CALN1: variants seen among roughly 807,000 people sequenced by gnomAD.
CALN1 encodes calcium-binding protein 8.
In CALN1, 17 loss-of-function variants were observed where a neutral mutation model predicts 30.6. The ratio of observed to expected loss-of-function variants is 0.56; its 90% CI spans 0.38 to 0.83. The LOEUF (loss-of-function observed/expected upper bound fraction) is 0.83, where lower values mean the gene tolerates loss of function less well. Ranked by LOEUF, CALN1 falls within the 40% of genes least tolerant of loss-of-function variation. CALN1 has a pLI of 0.00. For missense variants in CALN1, 291 were observed against 354.9 expected (o/e 0.82, Z 1.45); for synonymous variants, 156 against 131.4 (o/e 1.19, Z -1.28).
chr7:72,021,609 G>A (rs578010830), intron 5 of CALN1, among the ~76,000 whole-genome samples: 1 of 152,118 alleles, frequency 6.6e-6, no homozygotes, highest in Admixed American at 6.5e-5. Context: ...GGGAGATGGC[G>A]TTTTCCTGTC....
chr7:72,140,012 T>C (rs571254883), intron 3 of CALN1, among the ~76,000 whole-genome samples: 11 of 152,180 alleles, frequency 7.2e-5, no homozygotes, highest in Non-Finnish European at 1.2e-4. Context: ...AGAAGTGTCC[T>C]GTAATCTCAG....
At chr7:72,484,802 G>C in the CALN1 span, among the ~76,000 whole-genome samples, 1 of 150,522 alleles carries the variant, frequency 6.6e-6, no homozygotes. Context: ...TGTAGGGCTT[G>C]CCTCGTTTCT....
intron 6 of CALN1, among the ~76,000 whole-genome samples, chr7:71,792,092 TGTG>T (rs1440328776): frequency 2.0e-5 from 3 of 152,186 alleles, no homozygotes; most frequent in Admixed American, 1.3e-4. Flanking sequence ...AAATGCTGGG[TGTG>T]GTGGACAGAG....
At chr7:72,144,215 T>G (rs1050794450) in intron 3 of CALN1, among the ~76,000 whole-genome samples, 1 of 152,166 alleles carries the variant, frequency 6.6e-6, no homozygotes. Flanking sequence ...ATCAGTGTGC[T>G]GTATTCAGGA....
chr7:72,262,569 T>C (rs1370675762), intron 3 of CALN1, among the ~76,000 whole-genome samples: 1 of 152,160 alleles, frequency 6.6e-6, no homozygotes, highest in East Asian at 1.9e-4. Flanking sequence ...GTGTACCCAA[T>C]GTTTATGTCT....
chr7:72,431,511 A>C (rs1416152252), intron 1 of CALN1, among the ~76,000 whole-genome samples: 1 of 152,142 alleles, frequency 6.6e-6, no homozygotes, highest in Admixed American at 6.5e-5. Context: ...AATGACTTGG[A>C]GGGAAGGCAG....
the CALN1 span, among the ~76,000 whole-genome samples, chr7:72,473,052 A>T: frequency 4.2e-4 from 62 of 149,052 alleles, no homozygotes; most frequent in South Asian, 1.9e-3. Context: ...CCCCAACCAA[A>T]CTCCAAGTGC....
chr7:72,474,775 A>T, the CALN1 span, among the ~76,000 whole-genome samples: 1 of 151,826 alleles, frequency 6.6e-6, no homozygotes, highest in African/African-American at 2.4e-5. Context: ...GCCCTGTATG[A>T]GTTGAGACCG....
chr7:72,118,822 A>T (rs976892861), intron 3 of CALN1, among the ~76,000 whole-genome samples: 1 of 152,198 alleles, frequency 6.6e-6, no homozygotes, highest in Non-Finnish European at 1.5e-5. Context: ...GCTGGAACAC[A>T]TCAGTTCCAT....
rs576186632 is a variant in CALN1 at position 72,297,482 on chromosome 7, G to A, written c.120-18672C>T. Among the ~76,000 whole-genome samples the A allele has an allele frequency of 2.0e-5, 3 of 152,226 alleles. No homozygotes were observed. In the East Asian group the frequency reaches 5.8e-4, roughly 29 times the overall value. On this transcript the variant is annotated intron_variant, in intron 2 of 6. Transcript: ENST00000395275. ...TATGGGAATTCTACATGCAACTCCA[G>A]ACTAATAAATTTTAAAACACTGGTT...
rs564444304 is a variant in CALN1 at position 71,822,399 on chromosome 7, C to G, written c.502-11907G>C. On this transcript the variant is annotated intron_variant, in intron 5 of 6. Transcript: ENST00000395275. ...GAGTAGCTGGGATTACAGGCGTGTG[C>G]CATCATGCCCGGCTAATTTTGTATT... Among the ~76,000 whole-genome samples, 5 of 152,230 alleles carry G rather than the reference C, an allele frequency of 3.3e-5. No individual in the cohort carries two copies. In the East Asian group the frequency reaches 7.8e-4, roughly 24 times the overall value.
intron 2 of CALN1, among the ~76,000 whole-genome samples, chr7:72,378,017 T>C (rs1434498076): frequency 6.6e-6 from 1 of 151,808 alleles, no homozygotes; most frequent in African/African-American, 2.4e-5. Context: ...CCATTCGTCC[T>C]GAACTTTTTG....
At chr7:71,961,531 T>C (rs1797247039) in intron 5 of CALN1, among the ~76,000 whole-genome samples, 1 of 152,212 alleles carries the variant, frequency 6.6e-6, no homozygotes, top group Non-Finnish European at 1.5e-5. Context: ...TGTACTGTAC[T>C]CCCATGGGTA....
At chr7:72,394,981 GTGAA>G in intron 2 of CALN1, among the ~76,000 whole-genome samples, 1 of 152,264 alleles carries the variant, frequency 6.6e-6, no homozygotes, top group East Asian at 1.9e-4. Context: ...TGTCTTGTAA[GTGAA>G]TGAATGGTAC....
intron 3 of CALN1, among the ~76,000 whole-genome samples, chr7:72,133,281 A>G (rs79786497): frequency 9.4e-4 from 143 of 152,328 alleles, no homozygotes; most frequent in African/African-American, 3.4e-3. Flanking sequence ...CACTTTGACT[A>G]ATGAGATTAT....
At chr7:72,097,927 C>T (rs1197490584) in intron 4 of CALN1, among the ~76,000 whole-genome samples, 7 of 152,114 alleles carry the variant, frequency 4.6e-5, no homozygotes, top group Non-Finnish European at 7.4e-5. Flanking sequence ...TTGGCCAGGC[C>T]GGTCTCAAAC....
intron 5 of CALN1, among the ~76,000 whole-genome samples, chr7:71,996,590 C>A (rs950229691): frequency 6.6e-6 from 1 of 152,172 alleles, no homozygotes; most frequent in South Asian, 2.1e-4. Flanking sequence ...GCATAGTATT[C>A]CGTGGTGTAT....
rs764290538 is a variant in CALN1 at position 71,835,732 on chromosome 7, TAC to T, written c.502-25242_502-25241del. On this transcript the variant is annotated intron_variant, in intron 5 of 6. Transcript: ENST00000395275. ...TAGGTAGAGATCACATCTAGGAAGT[TAC>T]AGAGTCAAGGCAGAGAAAACTGTAG... Among the ~76,000 whole-genome samples the T allele has an allele frequency of 4.6e-5, 7 of 152,246 alleles. No individual in the cohort carries two copies. In the East Asian group the frequency reaches 5.8e-4, roughly 13 times the overall value.
intron 3 of CALN1, among the ~76,000 whole-genome samples, chr7:72,107,860 C>A (rs1807289104): frequency 6.6e-6 from 1 of 152,162 alleles, no homozygotes; most frequent in South Asian, 2.1e-4. Flanking sequence ...CAGCTCGACT[C>A]CACTCAGGAT....
Sources: allele counts gnomAD v4.1 joint callset (sites outside exome capture counted in the v4.1 genomes callset), GRCh38; gene constraint gnomAD v4.1.1; transcripts MANE v1.5; gene names NCBI Gene and HGNC (gene_info 2026-07-23, HGNC 2026-07-21).